The following STK17A variants were observed in gnomAD, a reference collection of about 807,000 sequenced individuals.
STK17A encodes the protein serine/threonine kinase 17a.
Under a neutral mutation model 43.7 loss-of-function variants are expected in STK17A, and 26 were observed. That is an observed-to-expected ratio of 0.60 (90% CI 0.44 to 0.83). The LOEUF (loss-of-function observed/expected upper bound fraction) is 0.83. Among genes scored for constraint, STK17A ranks in the 40% least tolerant of loss-of-function variants. STK17A has a pLI of 0.00. For missense variants in STK17A, 476 were observed against 511.6 expected, an observed-to-expected ratio of 0.93 and a Z score of 0.67; for synonymous variants, 191 against 182.5, an observed-to-expected ratio of 1.05 and a Z score of -0.38.
At chr7:43,588,839 GAA>G (rs1253168926) in intron 1 of STK17A, among the ~76,000 whole-genome samples, 1 of 151,008 alleles carries the variant, frequency 6.6e-6, no homozygotes, top group Non-Finnish European at 1.5e-5. Context: ...CTCAAAAAAA[GAA>G]AAAAGACATC....
intron 1 of STK17A, 114 bp downstream of exon 1, chr7:43,583,563 A>T: frequency 1.0e-6 from 1 of 953,148 alleles, no homozygotes; most frequent in Non-Finnish European, 1.4e-6. Context: ...GCTGCTGCCG[A>T]TAACGCGCGT....
At chr7:43,606,916 C>CTTTTTTTTTTTTTTTTTT (rs71011933) in intron 2 of STK17A, among the ~76,000 whole-genome samples, 4 of 62,638 alleles carry the variant, frequency 6.4e-5, no homozygotes, top group African/African-American at 8.2e-5. Flanking sequence ...TTTCGATTTT[C>CTTTTTTTTTTTTTTTTTT]TTTTTTTTTT....
At chr7:43,594,979 G>C (rs2082505369) in intron 1 of STK17A, among the ~76,000 whole-genome samples, 1 of 151,894 alleles carries the variant, frequency 6.6e-6, no homozygotes, top group Non-Finnish European at 1.5e-5. Flanking sequence ...TAGGGTTCAA[G>C]CCCACATAGG....
chr7:43,599,157 C>T (rs1437663065), intron 2 of STK17A, among the ~76,000 whole-genome samples: 1 of 152,164 alleles, frequency 6.6e-6, no homozygotes, highest in Non-Finnish European at 1.5e-5. Context: ...TTAGAACTCT[C>T]CTCAAATTTT....
At chr7:43,600,652 G>A (rs1289578189) in intron 2 of STK17A, among the ~76,000 whole-genome samples, 1 of 152,144 alleles carries the variant, frequency 6.6e-6, no homozygotes. Flanking sequence ...CATTGATTGA[G>A]CCATTTTAGT....
At chr7:43,592,616 G>A (rs567234145) in intron 1 of STK17A, among the ~76,000 whole-genome samples, 3 of 151,244 alleles carry the variant, frequency 2.0e-5, no homozygotes, top group Non-Finnish European at 4.4e-5. Context: ...TTGGGAGGCC[G>A]AGGTGGGTGG....
At chr7:43,615,508 A>G (rs1321314743) in intron 3 of STK17A, among the ~76,000 whole-genome samples, 1 of 152,170 alleles carries the variant, frequency 6.6e-6, no homozygotes, top group African/African-American at 2.4e-5. Context: ...TTATTAACAT[A>G]CGAAAACTAA....
At chr7:43,603,570 C>T (rs980917169) in intron 2 of STK17A, among the ~76,000 whole-genome samples, 31 of 152,138 alleles carry the variant, frequency 2.0e-4, no homozygotes, top group African/African-American at 7.2e-4. Flanking sequence ...AAACTTTGAG[C>T]GCTAACCTGA....
intron 3 of STK17A, among the ~76,000 whole-genome samples, chr7:43,616,672 C>T (rs996431523): frequency 3.3e-5 from 5 of 152,090 alleles, no homozygotes; most frequent in South Asian, 4.2e-4. Context: ...CTGAGACGGG[C>T]GGATCACGAG....
chr7:43,611,066 G>A (rs954073772), intron 3 of STK17A, among the ~76,000 whole-genome samples: 4 of 152,162 alleles, frequency 2.6e-5, no homozygotes, highest in Non-Finnish European at 4.4e-5. Flanking sequence ...GCAGTGAGCC[G>A]AGATTGCGCC....
chr7:43,624,290 G>A (rs368547595), intron 6 of STK17A, among the ~76,000 whole-genome samples: 14 of 152,184 alleles, frequency 9.2e-5, no homozygotes, highest in African/African-American at 3.1e-4. Flanking sequence ...TCAAGAGAGC[G>A]TTTCAGACAT....
chr7:43,599,888 C>T (rs191539542), intron 2 of STK17A, among the ~76,000 whole-genome samples: 1 of 150,778 alleles, frequency 6.6e-6, no homozygotes, highest in East Asian at 2.0e-4. Context: ...GGTGTAAGTC[C>T]TGGCATTTAA....
chr7:43,624,261 C>G (rs1324611997), intron 6 of STK17A, among the ~76,000 whole-genome samples: 2 of 152,112 alleles, frequency 1.3e-5, no homozygotes, highest in African/African-American at 4.8e-5. Context: ...AGATACTTCC[C>G]ATCTGTTCTT....
At chr7:43,588,926 A>G (rs982284770) in intron 1 of STK17A, among the ~76,000 whole-genome samples, 2 of 151,570 alleles carry the variant, frequency 1.3e-5, no homozygotes, top group African/African-American at 4.8e-5. Flanking sequence ...TCTGGAAGCT[A>G]TTCCCAAATG....
At chr7:43,615,182 G>A (rs2083233172) in intron 3 of STK17A, among the ~76,000 whole-genome samples, 1 of 152,074 alleles carries the variant, frequency 6.6e-6, no homozygotes, top group Admixed American at 6.6e-5. Flanking sequence ...TTTTTTGTTT[G>A]TTTGTTTGTT....
intron 1 of STK17A, among the ~76,000 whole-genome samples, chr7:43,595,478 C>T (rs2082509035): frequency 6.6e-6 from 1 of 152,062 alleles, no homozygotes; most frequent in Non-Finnish European, 1.5e-5. Flanking sequence ...AGGGTTTCGC[C>T]ATTTTGGCCA....
intron 1 of STK17A, among the ~76,000 whole-genome samples, chr7:43,585,029 T>G (rs992941021): frequency 6.6e-6 from 1 of 152,200 alleles, no homozygotes; most frequent in Non-Finnish European, 1.5e-5. Context: ...AAACCCCGTC[T>G]GTACCAAAAA....
chr7:43,601,854 C>T (rs1389493142), intron 2 of STK17A, among the ~76,000 whole-genome samples: 1 of 152,156 alleles, frequency 6.6e-6, no homozygotes, highest in Non-Finnish European at 1.5e-5. Context: ...TTCAGCTAGG[C>T]TCATGGTATA....
chr7:43,595,380 C>T (rs750419486), intron 1 of STK17A, among the ~76,000 whole-genome samples: 5 of 150,018 alleles, frequency 3.3e-5, no homozygotes, highest in Admixed American at 6.8e-5. Flanking sequence ...CAGGTTCAAG[C>T]GATTCCCATG....
Sources: allele counts gnomAD v4.1 joint callset (sites outside exome capture counted in the v4.1 genomes callset), GRCh38; gene constraint gnomAD v4.1.1; transcripts MANE v1.5; gene names NCBI Gene and HGNC (gene_info 2026-07-23, HGNC 2026-07-21).